RFC3: variants seen among roughly 807,000 people sequenced by gnomAD.
RFC3 encodes the protein replication factor C subunit 3, also known as A1 38 kDa subunit.
A neutral mutation model predicts 45.1 loss-of-function variants in RFC3; 41 were observed. The ratio of observed to expected loss-of-function variants is 0.91; its 90% CI spans 0.71 to 1.18. The LOEUF is 1.18. Ranked by LOEUF, RFC3 falls within the 50% of genes most tolerant of loss-of-function variation. RFC3 has a pLI of 0.00. For synonymous variants in RFC3, 149 were observed against 144.0 expected (o/e 1.03, Z -0.25); for missense variants, 423 against 428.1 (o/e 0.99, Z 0.10).
intron 8 of RFC3, among the ~76,000 whole-genome samples, chr13:33,961,350 C>G (rs988578854): frequency 6.6e-6 from 1 of 152,144 alleles, no homozygotes; most frequent in Non-Finnish European, 1.5e-5. Flanking sequence ...TCTATGTTAC[C>G]CTGGGCCTAT....
chr13:33,820,885 A>G (rs534027169), intron 1 of RFC3, among the ~76,000 whole-genome samples: 136 of 147,388 alleles, frequency 9.2e-4, no homozygotes, highest in African/African-American at 3.1e-3. Context: ...GTGTCAGGCG[A>G]ATAGTAAACT....
chr13:33,966,919 G>T (rs1334349987), downstream of RFC3, among the ~76,000 whole-genome samples: 1 of 152,132 alleles, frequency 6.6e-6, no homozygotes, highest in African/African-American at 2.4e-5. Context: ...CACTTTGGGA[G>T]GTCAAGGCAG....
rs548556523 is a variant in RFC3, at chr13:33,831,327, C to T, written c.782C>T (p.Ala261Val). ...GTGTATCTGAGGGAGACTGCAAATG[C>T]TATTGTCAGTCAGCAAACTCCACAA... ...WEVYLRETANAIVSQQTPQRL... is the reference protein window; with the variant it reads ...WEVYLRETANVIVSQQTPQRL... Residue 261 changes from alanine to valine, a missense_variant, in exon 7 of 9, where the codon GCT becomes GTT. Physicochemically the swap from Ala to Val is moderately conservative, Grantham distance 64. Transcript: ENST00000380071. 1 of 1,606,872 alleles carries T rather than the reference C, an allele frequency of 6.2e-7. No individual in the cohort carries two copies. Among genetic ancestry groups the T allele is most frequent in the South Asian group, 1.1e-5 (1 of 90,966 alleles).
intron 8 of RFC3, among the ~76,000 whole-genome samples, chr13:33,958,419 G>A (rs2137854500): frequency 6.6e-6 from 1 of 152,292 alleles, no homozygotes; most frequent in South Asian, 2.1e-4. Flanking sequence ...CTTTGCTCCT[G>A]TTCTTATAAT....
chr13:33,963,290 A>T (rs1464896229), intron 8 of RFC3, among the ~76,000 whole-genome samples: 1 of 152,230 alleles, frequency 6.6e-6, no homozygotes, highest in Non-Finnish European at 1.5e-5. Flanking sequence ...GCTATTGCCA[A>T]CAACATGCCA....
At chr13:33,858,806 G>C (rs2082323096) in intron 8 of RFC3, among the ~76,000 whole-genome samples, 1 of 152,082 alleles carries the variant, frequency 6.6e-6, no homozygotes, top group Admixed American at 6.6e-5. Context: ...TATTTAAGTG[G>C]AAATGAACAT....
At chr13:33,853,369 G>T (rs566168922) in intron 8 of RFC3, among the ~76,000 whole-genome samples, 1 of 151,978 alleles carries the variant, frequency 6.6e-6, no homozygotes, top group Admixed American at 6.6e-5. Context: ...TTATTAGAAA[G>T]AAATTGCTAT....
At chr13:33,940,692 A>T (rs977364097) in intron 8 of RFC3, among the ~76,000 whole-genome samples, 1 of 152,196 alleles carries the variant, frequency 6.6e-6, no homozygotes, top group African/African-American at 2.4e-5. Flanking sequence ...ACCCTGACTT[A>T]CCGTAGTCTA....
downstream of RFC3, among the ~76,000 whole-genome samples, chr13:33,839,883 A>C (rs2139437626): frequency 6.6e-6 from 1 of 152,334 alleles, no homozygotes; most frequent in African/African-American, 2.4e-5. Flanking sequence ...AGATGGTTTC[A>C]AAATACAAAA....
chr13:33,842,158 T>G (rs895484788), downstream of RFC3, among the ~76,000 whole-genome samples: 3 of 152,008 alleles, frequency 2.0e-5, no homozygotes, highest in African/African-American at 7.2e-5. Flanking sequence ...TGTAGTGGTA[T>G]GTGCTTGTGG....
intron 8 of RFC3, among the ~76,000 whole-genome samples, chr13:33,941,454 A>G (rs539989350): frequency 5.3e-5 from 8 of 152,148 alleles, no homozygotes; most frequent in Non-Finnish European, 8.8e-5. Flanking sequence ...GATGGTGGTG[A>G]ATTTTCTTAA....
At chr13:33,891,949 G>A (rs1473788706) in intron 8 of RFC3, among the ~76,000 whole-genome samples, 4 of 151,956 alleles carry the variant, frequency 2.6e-5, no homozygotes, top group African/African-American at 4.8e-5. Context: ...AGGCACAGAA[G>A]TTAAATATAG....
intron 8 of RFC3, among the ~76,000 whole-genome samples, chr13:33,950,926 T>C (rs2082985900): frequency 6.6e-6 from 1 of 152,106 alleles, no homozygotes; most frequent in Non-Finnish European, 1.5e-5. Flanking sequence ...ATGTTTACTC[T>C]TCCCTTCACT....
Position 33,830,864 on chromosome 13 carries a change from A to T in RFC3, c.710+9A>T. On this transcript the variant is annotated intron_variant, in intron 6 of 8. Transcript: ENST00000380071. ...GCCTGCAGAGTGCAACAGTGAGTGG[A>T]AGGGGTAGTTACATTCTAGGACTTT... The T allele has an allele frequency of 6.2e-7, 1 of 1,608,942 alleles. No homozygotes were observed. Among genetic ancestry groups the T allele is most frequent in the Non-Finnish European group, 8.5e-7 (1 of 1,178,360 alleles).
chr13:33,882,570 G>A (rs1446843338), intron 8 of RFC3, among the ~76,000 whole-genome samples: 2 of 152,160 alleles, frequency 1.3e-5, no homozygotes, highest in African/African-American at 4.8e-5. Context: ...TGCCTGCCGT[G>A]TGAGGATACA....
intron 8 of RFC3, among the ~76,000 whole-genome samples, chr13:33,931,774 G>A (rs936368547): frequency 5.9e-5 from 9 of 151,878 alleles, no homozygotes; most frequent in Non-Finnish European, 1.3e-4. Context: ...TCTCCTACCT[G>A]CAATCTAAAG....
intron 8 of RFC3, among the ~76,000 whole-genome samples, chr13:33,861,645 C>CAA (rs1046372339): frequency 1.8e-4 from 12 of 66,134 alleles, no homozygotes; most frequent in Non-Finnish European, 2.9e-4. Context: ...AACTCCATCT[C>CAA]AAAAAAAAAA....
chr13:33,838,979 AGTCG>A (rs1230679765), downstream of RFC3, among the ~76,000 whole-genome samples: 1 of 152,070 alleles, frequency 6.6e-6, no homozygotes, highest in Non-Finnish European at 1.5e-5. Flanking sequence ...GTTTCTGCTC[AGTCG>A]CTTTTATTTT....
At chr13:33,830,882 A>C (rs1227392622) in intron 6 of RFC3, 27 bp downstream of exon 6, 1 of 1,589,130 alleles carries the variant, frequency 6.3e-7, no homozygotes, top group Admixed American at 1.8e-5. Flanking sequence ...GTTACATTCT[A>C]GGACTTTGGC....
Sources: gnomAD v4.1 joint callset for allele counts (sites outside exome capture counted in the v4.1 genomes callset) on GRCh38, gnomAD v4.1.1 for gene constraint, MANE v1.5 for transcripts, NCBI Gene and HGNC (gene_info 2026-07-23, HGNC 2026-07-21) for gene names.